The following DENND4C variants were observed in gnomAD, a reference collection of about 807,000 sequenced individuals.
DENND4C encodes DENN domain-containing protein 4C.
In DENND4C, 108 loss-of-function variants were observed where a neutral mutation model predicts 203.0. The observed-to-expected ratio is 0.53, with a 90% CI of 0.46 to 0.62. The LOEUF is 0.62. Among genes scored for constraint, DENND4C ranks in the 20% least tolerant of loss-of-function variants. DENND4C has a pLI of 0.00. For missense variants in DENND4C, 2,481 were observed against 2,301.2 expected (o/e 1.08, Z -1.60); for synonymous variants, 871 against 792.4 (o/e 1.10, Z -1.67).
intron 9 of DENND4C, among the ~76,000 whole-genome samples, chr9:19,301,178 CAAA>C (rs576219374): frequency 8.9e-6 from 1 of 112,468 alleles, no homozygotes; most frequent in Admixed American, 9.3e-5. Flanking sequence ...AACTCCGTCT[CAAA>C]AAAAAAAAAA....
At chr9:19,308,364 A>C (rs928404045) in intron 10 of DENND4C, among the ~76,000 whole-genome samples, 5 of 152,116 alleles carry the variant, frequency 3.3e-5, no homozygotes, top group Admixed American at 3.3e-4. Context: ...ATTTTTTACC[A>C]ATTTGATGGT....
intron 17 of DENND4C, among the ~76,000 whole-genome samples, chr9:19,332,517 ATTT>A (rs11310338): frequency 9.1e-4 from 119 of 130,192 alleles, no homozygotes; most frequent in African/African-American, 1.4e-3. Context: ...TACCTGGCTA[ATTT>A]TTTTTTTTTT....
intron 30 of DENND4C, among the ~76,000 whole-genome samples, chr9:19,363,485 G>T (rs540960676): frequency 6.6e-6 from 1 of 151,296 alleles, no homozygotes; most frequent in Non-Finnish European, 1.5e-5. Context: ...CTGGGCGACA[G>T]AGTGAGACTC....
At chr9:19,264,363 G>A (rs7037518) in intron 1 of DENND4C, among the ~76,000 whole-genome samples, 128,959 of 151,876 alleles carry the variant, frequency 0.85, 54,817 homozygotes, top group Admixed American at 0.89. Flanking sequence ...GCAGAATGCA[G>A]TGGCGCAATT....
At chr9:19,332,893 G>A (rs994450647) in intron 17 of DENND4C, among the ~76,000 whole-genome samples, 1 of 150,366 alleles carries the variant, frequency 6.7e-6, no homozygotes, top group African/African-American at 2.4e-5. Context: ...AGCCACTGTG[G>A]CTGGCTTCAT....
At position 19,287,654 on chromosome 9, in the gene DENND4C, G is replaced by T. The variant is rs1197389960; in HGVS notation, c.558+633G>T. Among the ~76,000 whole-genome samples the T allele has an allele frequency of 9.2e-5, 14 of 151,592 alleles. 1 individual carries two copies. The highest frequency in any genetic ancestry group is 3.4e-4 in the African/African-American group (14 of 41,266). On this transcript the variant is annotated intron_variant, in intron 3 of 32. Transcript: ENST00000434457. Reference sequence around the variant, plus strand: ...GAGCCACCATGCCCGGCCTGTTTTTGTTTTTGAGACAGGGTCTCCTTAAGT... The same window carrying T: ...GAGCCACCATGCCCGGCCTGTTTTTTTTTTTGAGACAGGGTCTCCTTAAGT...
chr9:19,243,477 A>C (rs1824294228), intron 1 of DENND4C, among the ~76,000 whole-genome samples: 1 of 152,146 alleles, frequency 6.6e-6, no homozygotes, highest in African/African-American at 2.4e-5. Flanking sequence ...CGTTTTCATC[A>C]TCCTAAAAGG....
At chr9:19,230,947 C>A (rs577105523) in intron 1 of DENND4C, 114 bp downstream of exon 1, 1 of 152,292 alleles carries the variant, frequency 6.6e-6, no homozygotes, top group Non-Finnish European at 1.5e-5. Flanking sequence ...GGCTGAGTTC[C>A]GAGTGGCTGG....
chr9:19,242,274 A>G (rs1588718302), intron 1 of DENND4C, among the ~76,000 whole-genome samples: 1 of 152,232 alleles, frequency 6.6e-6, no homozygotes, highest in Admixed American at 6.5e-5. Flanking sequence ...TTTTATTGCT[A>G]AATAATCCAT....
intron 17 of DENND4C, among the ~76,000 whole-genome samples, chr9:19,332,860 A>G (rs1819578665): frequency 6.7e-6 from 1 of 148,666 alleles, no homozygotes; most frequent in African/African-American, 2.5e-5. Flanking sequence ...TTGGCCTCCC[A>G]AAGTGCAGGG....
intron 1 of DENND4C, among the ~76,000 whole-genome samples, chr9:19,236,749 G>A (rs1340049716): frequency 6.6e-6 from 1 of 152,126 alleles, no homozygotes. Context: ...TGGCCCACAG[G>A]CCATGTCGCT....
chr9:19,335,067 A>T lies in DENND4C; in HGVS notation c.2551A>T (p.Ile851Leu), dbSNP rs776413563. ...CTTATTTGAAATGAAAACTGCTAGG[A>T]TAAAGCCTAATGCTATTACTTATGG... Reference protein sequence around the residue: ...RVLFEMKTARIKPNAITYGYY... With the variant: ...RVLFEMKTARLKPNAITYGYY... Residue 851 changes from isoleucine (I) to leucine (L), a missense_variant, in exon 18 of 33, where the codon ATA becomes TTA. This residue lies in a region of DENND4C where 2,289 missense variants were observed against 2,113.3 expected (regional missense o/e 1.08). Coordinates refer to ENST00000434457, the MANE Select transcript of DENND4C (RefSeq NM_001330640.2). 5 of 1,612,486 alleles carry T rather than the reference A, an allele frequency of 3.1e-6. No homozygotes were observed. In the Admixed American group the frequency reaches 8.4e-5, roughly 27 times the overall value.
At chr9:19,324,598 A>G in intron 13 of DENND4C, 91 bp downstream of exon 13, 2 of 1,313,616 alleles carry the variant, frequency 1.5e-6, no homozygotes, top group South Asian at 2.7e-5. Flanking sequence ...GAGTGATATA[A>G]GGAAAACAGA....
rs1817772479 is a variant in DENND4C, at chr9:19,326,086, A to G, written c.2012A>G (p.Asp671Gly). The G allele has an allele frequency of 3.1e-6, 5 of 1,611,938 alleles. No homozygotes were observed. The Middle Eastern group carries it at 5.0e-4, about 160-fold the overall frequency. Reference sequence around the variant, plus strand: ...CAGGTTGATTTTGATTCAGCAGAAGATACCAGATTGATAGAACTAGATGAT... The same window carrying G: ...CAGGTTGATTTTGATTCAGCAGAAGGTACCAGATTGATAGAACTAGATGAT... ...TDKVDFDSAE[D>G]TRLIELDDSQ... is the part of the protein sequence containing the mutation. Residue 671 changes from aspartate (D) to glycine (G), a missense_variant, in exon 15 of 33, where the codon GAT (aspartate) becomes GGT (glycine). Coordinates refer to ENST00000434457, the MANE Select transcript of DENND4C (RefSeq NM_001330640.2).
intron 18 of DENND4C, 121 bp downstream of exon 18, chr9:19,335,226 T>A: frequency 9.6e-6 from 5 of 518,414 alleles, no homozygotes; most frequent in African/African-American, 2.0e-5. Context: ...TTTAATAATT[T>A]TTATAATTAT....
intron 1 of DENND4C, among the ~76,000 whole-genome samples, chr9:19,268,082 A>G (rs1830871870): frequency 1.4e-5 from 2 of 145,284 alleles, no homozygotes; most frequent in Non-Finnish European, 3.0e-5. Context: ...TGTTTTGTGT[A>G]TGTGTTGTAG....
chr9:19,287,800 T>C (rs1564121426), intron 3 of DENND4C, among the ~76,000 whole-genome samples: 1 of 152,192 alleles, frequency 6.6e-6, no homozygotes, highest in Non-Finnish European at 1.5e-5. Context: ...TGGCGTGATC[T>C]TGGCTCACTG....
At chr9:19,293,187 G>A (rs1836726846) in intron 5 of DENND4C, among the ~76,000 whole-genome samples, 1 of 152,166 alleles carries the variant, frequency 6.6e-6, no homozygotes, top group South Asian at 2.1e-4. Context: ...TGCTTTGGCA[G>A]TAGAGAACAA....
intron 1 of DENND4C, among the ~76,000 whole-genome samples, chr9:19,267,839 T>C (rs1281154466): frequency 6.6e-6 from 1 of 152,164 alleles, no homozygotes; most frequent in Non-Finnish European, 1.5e-5. Context: ...GTGCCCAGCC[T>C]GTTTCTTGTA....
Sources: allele counts gnomAD v4.1 joint callset (sites outside exome capture counted in the v4.1 genomes callset), GRCh38; gene constraint gnomAD v4.1.1; regional missense constraint gnomAD v4.1.1; transcripts MANE v1.5; gene names NCBI Gene and HGNC (gene_info 2026-07-23, HGNC 2026-07-21).